The following BNC2 variants were observed in gnomAD, a reference collection of about 807,000 sequenced individuals.
BNC2 encodes zinc finger protein basonuclin-2.
BNC2 carries 20 observed loss-of-function variants against 76.3 expected under a neutral mutation model. The observed-to-expected ratio is 0.26, with a 90% confidence interval of 0.18 to 0.38. The LOEUF (loss-of-function observed/expected upper bound fraction) is 0.38, where lower values mean the gene tolerates loss of function less well. Ranked by LOEUF, BNC2 falls within the 10% of genes least tolerant of loss-of-function variation. The probability of loss-of-function intolerance (pLI) is 1.00; values close to 1 mark genes in which losing one functional copy is unlikely to be tolerated. For synonymous variants in BNC2, 582 were observed against 514.8 expected (o/e 1.13, Z -1.77); for missense variants, 1,382 against 1,399.8 (o/e 0.99, Z 0.20).
In BNC2 at chr9:16,411,941, T is replaced by G. The variant is rs1242113597; in HGVS notation, c.*7048A>C. 6.6e-6 allele frequency: 1 copy of G among 152,246 alleles called. No individual in the cohort carries two copies. Among genetic ancestry groups the G allele is most frequent in the Non-Finnish European group, 1.5e-5 (1 of 68,048 alleles). The allele number at this position is 152,246 out of a possible 1,614,324, so 9.4% of individuals were successfully genotyped here. A position where few individuals can be genotyped will look rare whatever the true frequency, so the allele number is the denominator to read the frequency against. On this transcript the variant is annotated 3_prime_UTR_variant, in exon 7 of 7. Transcript: ENST00000380672. ...CCAGAAAGAAGACGCTTGATAGATCTTGCACTTCATTTAGTCACTAACTAG... is the reference window on the plus strand; with the variant it reads ...CCAGAAAGAAGACGCTTGATAGATCGTGCACTTCATTTAGTCACTAACTAG...
At chr9:16,782,717 T>C in intron 1 of BNC2, among the ~76,000 whole-genome samples, 1 of 152,180 alleles carries the variant, frequency 6.6e-6, no homozygotes, top group Admixed American at 6.5e-5. Context: ...TAGTACGTGG[T>C]ACTGTGGTTG....
At chr9:16,786,477 C>A (rs189014235) in intron 1 of BNC2, among the ~76,000 whole-genome samples, 196 of 152,228 alleles carry the variant, frequency 1.3e-3, no homozygotes, top group African/African-American at 4.6e-3. Flanking sequence ...AGCTTACACA[C>A]GAGACTTTAA....
chr9:16,505,176 G>T (rs1171845248), intron 5 of BNC2, among the ~76,000 whole-genome samples: 1 of 152,198 alleles, frequency 6.6e-6, no homozygotes, highest in Non-Finnish European at 1.5e-5. Flanking sequence ...AAGAGATGCA[G>T]CACAGAACTC....
intron 2 of BNC2, 92 bp downstream of exon 2, chr9:16,738,268 A>G (rs1824736585): frequency 7.1e-7 from 1 of 1,400,682 alleles, no homozygotes. Context: ...AGAGTGGCAG[A>G]AAGAAGAGGT....
In BNC2 at chr9:16,468,400, A is replaced by T. The variant is rs567419887; in HGVS notation, c.670-30876T>A. Among the ~76,000 whole-genome samples the T allele has an allele frequency of 3.5e-3, 513 of 148,196 alleles. 3 individuals carry two copies. Among genetic ancestry groups the T allele is most frequent in the African/African-American group, 0.012 (499 of 40,208 alleles). ...ATATGCAGTATCTTTATTTTTTTTT[A>T]TTTTTTATTTTTTTGAGATGGAGTC... On this transcript the variant is annotated intron_variant, in intron 5 of 6. Coordinates refer to ENST00000380672, the MANE Select transcript of BNC2 (RefSeq NM_017637.6).
intron 5 of BNC2, among the ~76,000 whole-genome samples, chr9:16,511,932 T>C (rs1822766763): frequency 1.3e-5 from 2 of 152,186 alleles, no homozygotes; most frequent in South Asian, 2.1e-4. Flanking sequence ...TAAAATTCCA[T>C]CAAAAGTGCT....
chr9:16,607,106 C>T (rs1820408564), intron 3 of BNC2, among the ~76,000 whole-genome samples: 1 of 148,166 alleles, frequency 6.7e-6, no homozygotes, highest in Admixed American at 6.6e-5. Context: ...TGCCACCACA[C>T]TTGGCTGACT....
chr9:16,518,521 A>G (rs183592768), intron 5 of BNC2, among the ~76,000 whole-genome samples: 15 of 152,298 alleles, frequency 9.8e-5, no homozygotes, highest in African/African-American at 3.6e-4. Flanking sequence ...ATATTCTACT[A>G]AAGTCTCTGT....
chr9:16,498,834 C>G (rs988637738), intron 5 of BNC2, among the ~76,000 whole-genome samples: 1 of 152,060 alleles, frequency 6.6e-6, no homozygotes, highest in Non-Finnish European at 1.5e-5. Context: ...ATTCTAAATC[C>G]TATTGTCCAA....
Position 16,419,559 on chromosome 9 carries a change from C to T in BNC2, c.2730G>A (p.Lys910=). The change falls in exon 7 of 7, where the codon AAG becomes AAA. Residue 910 remains lysine, a synonymous_variant. Transcript: ENST00000380672. ...TCACCAAAAATTCATCGCGGAGGTCCTTGCTAAGGGAGGGCTGCGACGAGT... is the reference window on the plus strand; with the variant it reads ...TCACCAAAAATTCATCGCGGAGGTCTTTGCTAAGGGAGGGCTGCGACGAGT... ...GLDSSQPSLS[K]DLRDEFLVKI... 2 of 1,613,646 alleles carry T rather than the reference C, an allele frequency of 1.2e-6. No homozygotes were observed.
intron 5 of BNC2, among the ~76,000 whole-genome samples, chr9:16,498,157 TCATATATATATTCTATCATATATATATTC>T (rs1396132023): frequency 4.1e-5 from 6 of 144,692 alleles, no homozygotes; most frequent in African/African-American, 1.3e-4. Context: ...ATATATTCCA[TCATATATATATTCTATCATATATATATTC>T]CATCATATAT....
Position 16,793,869 on chromosome 9 carries a change from T to G in BNC2, c.4-55384A>C, listed in dbSNP as rs1817579800. Among the ~76,000 whole-genome samples the G allele has an allele frequency of 3.0e-5, 3 of 99,126 alleles. No individual in the cohort carries two copies. The South Asian group carries it at 1.1e-3, about 37-fold the overall frequency. 65.0% of individuals were successfully genotyped at this position (99,126 alleles called of 152,430 possible). ...GTTTTTTGTGGTTTTTGTTTTTTTGTTTTTTTTTTTTTTTAGTAGAGACGG... is the reference window on the plus strand; with the variant it reads ...GTTTTTTGTGGTTTTTGTTTTTTTGGTTTTTTTTTTTTTTAGTAGAGACGG... On this transcript the variant is annotated intron_variant, in intron 1 of 6. Transcript: ENST00000380672.
intron 1 of BNC2, among the ~76,000 whole-genome samples, chr9:16,819,711 T>C (rs1818270748): frequency 6.6e-6 from 1 of 152,102 alleles, no homozygotes; most frequent in Admixed American, 6.5e-5. Flanking sequence ...CAAAAGATCA[T>C]ATACTATTAA....
At chr9:16,683,274 C>G (rs773026092) in intron 3 of BNC2, among the ~76,000 whole-genome samples, 22 of 152,116 alleles carry the variant, frequency 1.4e-4, no homozygotes, top group Admixed American at 7.2e-4. Flanking sequence ...AGGAAGAAGG[C>G]AAAGAGCAGA....
At chr9:16,611,468 G>A (rs1820543241) in intron 3 of BNC2, among the ~76,000 whole-genome samples, 1 of 152,036 alleles carries the variant, frequency 6.6e-6, no homozygotes, top group Admixed American at 6.6e-5. Flanking sequence ...TTTTTTGACT[G>A]GTTATCATAC....
intron 1 of BNC2, among the ~76,000 whole-genome samples, chr9:16,748,920 T>C (rs1825094100): frequency 5.6e-5 from 1 of 17,810 alleles, no homozygotes; most frequent in African/African-American, 3.6e-4. Context: ...TCACTTTTTA[T>C]ACTATATATA....
rs558208529 is a variant in BNC2 at position 16,718,910 on chromosome 9, G to T, written c.330+8887C>A. On this transcript the variant is annotated intron_variant, in intron 3 of 6. Coordinates refer to ENST00000380672, the MANE Select transcript of BNC2 (RefSeq NM_017637.6). ...GCATGTCTACGCATTACATATAAAT[G>T]CACTACCATAATGTGGCAATATGGG... 5.3e-5 allele frequency among the ~76,000 whole-genome samples: 8 copies of T among 152,204 alleles called. No homozygotes were observed. The East Asian group carries it at 1.2e-3, about 22-fold the overall frequency.
At chr9:16,576,722 T>C (rs1819495583) in intron 4 of BNC2, among the ~76,000 whole-genome samples, 1 of 152,232 alleles carries the variant, frequency 6.6e-6, no homozygotes, top group Non-Finnish European at 1.5e-5. Context: ...AATGTAGGAC[T>C]GATATAATCA....
chr9:16,736,690 G>A (rs1179225931), intron 2 of BNC2, among the ~76,000 whole-genome samples: 1 of 151,606 alleles, frequency 6.6e-6, no homozygotes. Context: ...TGGTCAGGCT[G>A]GTCTCGAACT....
Sources: allele counts gnomAD v4.1 joint callset (sites outside exome capture counted in the v4.1 genomes callset), GRCh38; gene constraint gnomAD v4.1.1; transcripts MANE v1.5; gene names NCBI Gene and HGNC (gene_info 2026-07-23, HGNC 2026-07-21).